The following APP variants were observed in gnomAD, a reference collection of about 807,000 sequenced individuals.
The protein encoded by APP is amyloid-beta precursor protein.
In APP, 31 loss-of-function variants were observed where a neutral mutation model predicts 101.4. That is an observed-to-expected ratio of 0.31 (90% confidence interval 0.23 to 0.41). APP has a LOEUF of 0.41. Ranked by LOEUF, APP falls within the 10% of genes least tolerant of loss-of-function variation. APP has a pLI of 1.00. For synonymous variants in APP, 366 were observed against 364.4 expected, an observed-to-expected ratio of 1.00 and a Z score of -0.05; for missense variants, 839 against 1,003.7, an observed-to-expected ratio of 0.84 and a Z score of 2.22.
intron 1 of APP, among the ~76,000 whole-genome samples, chr21:26,167,918 T>A (rs995543623): frequency 6.6e-6 from 1 of 152,178 alleles, no homozygotes; most frequent in African/African-American, 2.4e-5. Context: ...TCCTTACAGA[T>A]CACCATCAAA....
chr21:26,117,169 C>T (rs151315331), intron 1 of APP, among the ~76,000 whole-genome samples: 27 of 152,354 alleles, frequency 1.8e-4, no homozygotes, highest in African/African-American at 6.0e-4. Context: ...CAGGCATGAG[C>T]CACTGTGCCC....
chr21:25,966,884 G>C (rs879754926), intron 11 of APP, among the ~76,000 whole-genome samples: 4 of 152,140 alleles, frequency 2.6e-5, no homozygotes, highest in Non-Finnish European at 4.4e-5. Flanking sequence ...TATTTATGAG[G>C]TGGTTTAAAC....
intron 11 of APP, among the ~76,000 whole-genome samples, chr21:25,958,492 T>C (rs1047655998): frequency 8.5e-5 from 13 of 152,166 alleles, no homozygotes; most frequent in Admixed American, 7.9e-4. Flanking sequence ...TTAGCCAGGA[T>C]GGTCTCCATC....
At position 26,090,293 on chromosome 21, in the gene APP, A is replaced by C. The variant is rs536075048; in HGVS notation, c.226-221T>G. Among the ~76,000 whole-genome samples the C allele has an allele frequency of 3.9e-5, 6 of 152,296 alleles. No homozygotes were observed. The East Asian group carries it at 1.2e-3, about 29-fold the overall frequency. ...TGGAATCCGGAAAGTCCAAAATCCA[A>C]AATACTCCAATGAGCATTTCCTTTG... is the stretch of plus-strand genomic sequence containing the variant. On this transcript the variant is annotated intron_variant, in intron 2 of 17. Coordinates refer to ENST00000346798, the MANE Select transcript of APP (RefSeq NM_000484.4).
intron 1 of APP, among the ~76,000 whole-genome samples, chr21:26,169,841 T>G (rs899828000): frequency 2.0e-5 from 3 of 151,916 alleles, no homozygotes; most frequent in Admixed American, 1.3e-4. Context: ...AGGCGCGGGG[T>G]GGCTATGGGT....
chr21:25,975,248 T>G lies in APP; in HGVS notation c.1300-20A>C. ...GAAATGCTGCCATCATAAACACATA[T>G]GTCCATGGGGACTGAATAAGTAGGA... On this transcript the variant is annotated intron_variant, in intron 10 of 17. Coordinates refer to ENST00000346798, the MANE Select transcript of APP (RefSeq NM_000484.4). The G allele has an allele frequency of 1.9e-6, 3 of 1,614,166 alleles. No individual in the cohort carries two copies. Among genetic ancestry groups the G allele is most frequent in the Non-Finnish European group, 2.5e-6 (3 of 1,180,006 alleles).
intron 1 of APP, among the ~76,000 whole-genome samples, chr21:26,113,773 T>C (rs954911059): frequency 9.2e-5 from 14 of 152,232 alleles, no homozygotes; most frequent in African/African-American, 2.7e-4. Flanking sequence ...AATTTAAATT[T>C]CACAGCTTTC....
At chr21:25,948,261 C>G (rs1346927361) in intron 13 of APP, among the ~76,000 whole-genome samples, 1 of 151,398 alleles carries the variant, frequency 6.6e-6, no homozygotes, top group Admixed American at 6.6e-5. Flanking sequence ...CTGGGAAGTG[C>G]TATAAATATT....
intron 13 of APP, chr21:25,935,317 A>G (rs1157454310): frequency 6.6e-6 from 1 of 152,242 alleles, no homozygotes; most frequent in Non-Finnish European, 1.5e-5. Flanking sequence ...AAAAATCTCC[A>G]GTAGTCTAAA....
chr21:25,931,110 C>A (rs1469383508), intron 13 of APP, among the ~76,000 whole-genome samples: 2 of 152,168 alleles, frequency 1.3e-5, no homozygotes, highest in Admixed American at 6.5e-5. Flanking sequence ...AATTTCTTTT[C>A]ACTTGAAGGG....
Position 26,138,385 on chromosome 21 carries a change from C to T in APP, c.58-26239G>A, listed in dbSNP as rs150574469. On this transcript the variant is annotated intron_variant, in intron 1 of 17. Transcript: ENST00000346798. Reference sequence around the variant, plus strand: ...TATAGGATCAAAATATGGGATTAAACTAAGGGACTGAAACTACTTATAGAA... The same window carrying T: ...TATAGGATCAAAATATGGGATTAAATTAAGGGACTGAAACTACTTATAGAA... 4.7e-3 allele frequency among the ~76,000 whole-genome samples: 710 copies of T among 152,098 alleles called. 6 individuals are homozygous for T. The highest frequency in any genetic ancestry group is 8.0e-3 in the Non-Finnish European group (541 of 67,990).
At chr21:26,017,647 G>A (rs1174296572) in intron 6 of APP, among the ~76,000 whole-genome samples, 1 of 82 alleles carries the variant, frequency 0.012, no homozygotes, top group Admixed American at 0.12. Flanking sequence ...CTCTGGACAG[G>A]GCACAATTGG....
chr21:26,143,291 A>G (rs1422129784), intron 1 of APP, among the ~76,000 whole-genome samples: 1 of 152,214 alleles, frequency 6.6e-6, no homozygotes, highest in African/African-American at 2.4e-5. Flanking sequence ...TAAGTAACAT[A>G]GCAAGACCCA....
intron 2 of APP, among the ~76,000 whole-genome samples, chr21:26,099,181 A>C (rs2062008103): frequency 6.6e-6 from 1 of 152,060 alleles, no homozygotes; most frequent in Non-Finnish European, 1.5e-5. Context: ...AAAAAAAAAA[A>C]CCCAGATCCA....
At chr21:25,954,829 G>C (rs932396318) in intron 12 of APP, 140 bp from the exon 13 acceptor site, 1 of 682,466 alleles carries the variant, frequency 1.5e-6, no homozygotes, top group Non-Finnish European at 2.4e-6. Context: ...ACTGCAGGTA[G>C]ATACAAACTT....
intron 6 of APP, among the ~76,000 whole-genome samples, chr21:26,017,875 G>T (rs1028456317): frequency 6.6e-6 from 1 of 152,172 alleles, no homozygotes; most frequent in Non-Finnish European, 1.5e-5. Flanking sequence ...TAATATCCAA[G>T]TATTTTTTTA....
At chr21:26,163,239 C>CAA (rs58816061) in intron 1 of APP, among the ~76,000 whole-genome samples, 13 of 58,832 alleles carry the variant, frequency 2.2e-4, no homozygotes, top group East Asian at 4.2e-4. Flanking sequence ...AACTCAGTCT[C>CAA]AAAAAAAAAA....
In APP at chr21:26,037,735, T is replaced by G. The variant is rs114255473; in HGVS notation, c.662+13265A>C. On this transcript the variant is annotated intron_variant, in intron 5 of 17. Transcript: ENST00000346798. ...CATATTTTCATAAAACCAAAGTGCT[T>G]CATTACCACTTCTGATATGTGTATG... Among the ~76,000 whole-genome samples, 238 of 152,320 alleles carry G rather than the reference T, an allele frequency of 1.6e-3. 2 individuals carry two copies. Among genetic ancestry groups the G allele is most frequent in the African/African-American group, 5.6e-3 (231 of 41,570 alleles).
At chr21:25,898,931 T>C (rs1322227427) in intron 15 of APP, among the ~76,000 whole-genome samples, 2 of 152,132 alleles carry the variant, frequency 1.3e-5, no homozygotes, top group African/African-American at 4.8e-5. Flanking sequence ...AAAAGCACAA[T>C]GTCCACAGCA....
Sources: gnomAD v4.1 joint callset for allele counts (sites outside exome capture counted in the v4.1 genomes callset) on GRCh38, gnomAD v4.1.1 for gene constraint, MANE v1.5 for transcripts, NCBI Gene and HGNC (gene_info 2026-07-23, HGNC 2026-07-21) for gene names.